The following MCM9 variants were observed in gnomAD, a reference collection of about 807,000 sequenced individuals.
MCM9 encodes the protein minichromosome maintenance 9 homologous recombination repair factor, also known as DNA helicase MCM9.
MCM9 carries 55 observed loss-of-function variants against 72.8 expected under a neutral mutation model. The observed-to-expected ratio is 0.76, with a 90% CI of 0.61 to 0.95. The LOEUF is 0.95. Among genes scored for constraint, MCM9 ranks in the 40% least tolerant of loss-of-function variants. The probability of loss-of-function intolerance (pLI) is 0.00; values close to 1 mark genes in which losing one functional copy is unlikely to be tolerated. For missense variants in MCM9, 1,279 were observed against 1,377.0 expected, an observed-to-expected ratio of 0.93 and a Z score of 1.13; for synonymous variants, 480 against 503.4, an observed-to-expected ratio of 0.95 and a Z score of 0.62.
chr6:118,924,248 G>A lies in MCM9; in HGVS notation c.305-121C>T, dbSNP rs541687278. 152 of 887,736 alleles carry A rather than the reference G, an allele frequency of 1.7e-4. 3 individuals are homozygous for A. In the South Asian group the frequency reaches 2.5e-3, roughly 15 times the overall value. The allele number at this position is 887,736 out of a possible 1,614,324, so 55.0% of individuals were successfully genotyped here. ...ATTTCAGGGGGAAAAAAAAGATTGT[G>A]TTTTACTAAGAAAAAATCAGATCAT... On this transcript the variant is annotated intron_variant, in intron 3 of 13. Coordinates refer to ENST00000619706, the MANE Select transcript of MCM9 (RefSeq NM_017696.3).
At chr6:118,915,693 A>C (rs1195553260) in intron 6 of MCM9, among the ~76,000 whole-genome samples, 1 of 152,154 alleles carries the variant, frequency 6.6e-6, no homozygotes, top group Non-Finnish European at 1.5e-5. Flanking sequence ...CACACTCACC[A>C]ACACTCTGAA....
intron 8 of MCM9, among the ~76,000 whole-genome samples, chr6:118,857,200 G>A (rs1776616791): frequency 6.6e-6 from 1 of 152,162 alleles, no homozygotes; most frequent in Admixed American, 6.5e-5. Flanking sequence ...TGTACTATAC[G>A]CTGTTTACAG....
intron 13 of MCM9, among the ~76,000 whole-genome samples, chr6:118,820,515 A>T (rs943214912): frequency 6.6e-6 from 1 of 152,128 alleles, no homozygotes; most frequent in Non-Finnish European, 1.5e-5. Flanking sequence ...AATCTTTTGC[A>T]TTTCCTGAGG....
chr6:118,899,065 T>C (rs1779626145), intron 8 of MCM9, among the ~76,000 whole-genome samples: 1 of 152,228 alleles, frequency 6.6e-6, no homozygotes, highest in Non-Finnish European at 1.5e-5. Context: ...GCTGCTTTCA[T>C]CTTCAGGATT....
At chr6:118,820,513 G>A (rs1306561324) in intron 13 of MCM9, among the ~76,000 whole-genome samples, 1 of 152,068 alleles carries the variant, frequency 6.6e-6, no homozygotes. Flanking sequence ...CCAATCTTTT[G>A]CATTTCCTGA....
chr6:118,933,155 C>T (rs1046788195), intron 1 of MCM9, among the ~76,000 whole-genome samples: 5 of 152,040 alleles, frequency 3.3e-5, no homozygotes, highest in African/African-American at 9.7e-5. Context: ...AATGAGGTGA[C>T]GATCTCAGAA....
intron 3 of MCM9, among the ~76,000 whole-genome samples, chr6:118,930,349 C>CAT (rs1782310060): frequency 6.6e-6 from 1 of 152,048 alleles, no homozygotes; most frequent in Non-Finnish European, 1.5e-5. Context: ...CCTGACCTTG[C>CAT]GATCTGCCCG....
intron 13 of MCM9, among the ~76,000 whole-genome samples, chr6:118,824,035 CTTTTTTTTTTTTTTTTTTTTTTTTTTT>C (rs137881254): frequency 1.8e-5 from 1 of 54,294 alleles, no homozygotes; most frequent in Non-Finnish European, 3.3e-5. Context: ...GCAAACCCAC[CTTTTTTTTTTTTTTTTTTTTTTTTTTT>C]TTTTTTTTAG....
chr6:118,899,970 A>T (rs1006502950), intron 8 of MCM9, among the ~76,000 whole-genome samples: 3 of 152,186 alleles, frequency 2.0e-5, no homozygotes, highest in Non-Finnish European at 4.4e-5. Context: ...AAAGAGTTCT[A>T]CTCATCTCTG....
In MCM9 at chr6:118,814,945, A is replaced by G. The variant is rs1348403512; in HGVS notation, c.3311T>C (p.Phe1104Ser). The G allele has an allele frequency of 6.5e-7, 1 of 1,550,322 alleles. No individual in the cohort carries two copies. The highest frequency in any genetic ancestry group is 1.4e-5 in the African/African-American group (1 of 72,994). Residue 1104 changes from phenylalanine (F) to serine (S), a missense_variant, in exon 14 of 14, where the codon TTT becomes TCT. Coordinates refer to ENST00000619706, the MANE Select transcript of MCM9 (RefSeq NM_017696.3). Reference protein sequence around the residue: ...APMRVSKRKSFQLRGSTEKLI... With the variant: ...APMRVSKRKSSQLRGSTEKLI... Reference sequence around the variant, plus strand: ...TTTCTCGGTGGACCCACGGAGCTGAAAAGATTTCCTTTTACTGACACGCAT... The same window carrying G: ...TTTCTCGGTGGACCCACGGAGCTGAGAAGATTTCCTTTTACTGACACGCAT...
At position 118,815,836 on chromosome 6, in the gene MCM9, C is replaced by A. The variant is rs1464164945; in HGVS notation, c.2420G>T (p.Gly807Val). Reference sequence around the variant, plus strand: ...CACATTGTCTGCCCTCCATGGAACACCTGTCTCTCCTGGTGATGGAAGCAA... The same window carrying A: ...CACATTGTCTGCCCTCCATGGAACAACTGTCTCTCCTGGTGATGGAAGCAA... ...IGLLPSPGET[G>V]VPWRADNVES... Residue 807 changes from glycine to valine, a missense_variant, in exon 14 of 14, where the codon GGT (glycine) becomes GTT (valine). By Grantham distance (109) the Gly-to-Val change is moderately radical. Coordinates refer to ENST00000619706, the MANE Select transcript of MCM9 (RefSeq NM_017696.3). 1 of 1,539,668 alleles carries A rather than the reference C, an allele frequency of 6.5e-7. No homozygotes were observed. The highest frequency in any genetic ancestry group is 1.2e-5 in the South Asian group (1 of 84,058).
intron 8 of MCM9, among the ~76,000 whole-genome samples, chr6:118,866,399 C>A (rs1777220497): frequency 6.6e-6 from 1 of 152,002 alleles, no homozygotes; most frequent in African/African-American, 2.4e-5. Flanking sequence ...ATGTGATGTA[C>A]CTGAGAGAAA....
rs545040157 is a variant in MCM9 at position 118,897,456 on chromosome 6, A to C, written c.1150+14194T>G. Reference sequence around the variant, plus strand: ...CATTCTTAAATTTATATATATATATATCTTAATTACAGCTACTGTCAATTG... The same window carrying C: ...CATTCTTAAATTTATATATATATATCTCTTAATTACAGCTACTGTCAATTG... On this transcript the variant is annotated intron_variant, in intron 8 of 13. Coordinates refer to ENST00000619706, the MANE Select transcript of MCM9 (RefSeq NM_017696.3). 1.7e-4 allele frequency among the ~76,000 whole-genome samples: 26 copies of C among 151,666 alleles called. No homozygotes were observed. The Middle Eastern group carries it at 0.02, about 119-fold the overall frequency.
rs1434047084 is a variant in MCM9 at position 118,814,033 on chromosome 6, T to C, written c.*791A>G. On this transcript the variant is annotated 3_prime_UTR_variant, in exon 14 of 14. Coordinates refer to ENST00000619706, the MANE Select transcript of MCM9 (RefSeq NM_017696.3). ...CTCAGCCTCCCCGAGTAGCTAGGAC[T>C]ACAGGAGTGAGTCACTGTGCCTGGC... The C allele has an allele frequency of 2.0e-5, 3 of 152,264 alleles. No individual in the cohort carries two copies. The highest frequency in any genetic ancestry group is 4.4e-5 in the Non-Finnish European group (3 of 68,096). The allele number at this position is 152,264 out of a possible 1,614,324, so 9.4% of individuals were successfully genotyped here. A position where few individuals can be genotyped will look rare whatever the true frequency, so the allele number is the denominator to read the frequency against.
intron 8 of MCM9, among the ~76,000 whole-genome samples, chr6:118,889,095 G>A (rs546275849): frequency 6.6e-6 from 1 of 152,224 alleles, no homozygotes; most frequent in Admixed American, 6.5e-5. Context: ...TCTCAACAAA[G>A]CTGTTACCTG....
At chr6:118,825,930 G>A (rs1774139790) in intron 13 of MCM9, among the ~76,000 whole-genome samples, 1 of 152,132 alleles carries the variant, frequency 6.6e-6, no homozygotes, top group Non-Finnish European at 1.5e-5. Flanking sequence ...AAATGCTGGT[G>A]GGGGTGGTGT....
intron 5 of MCM9, 141 bp from the exon 6 acceptor site, chr6:118,917,902 C>T (rs2114319267): frequency 1.5e-6 from 1 of 680,236 alleles, no homozygotes; most frequent in Non-Finnish European, 2.5e-6. Context: ...GAAAACAATT[C>T]AGGGGCAGAA....
intron 8 of MCM9, among the ~76,000 whole-genome samples, chr6:118,865,187 A>G (rs1777142348): frequency 6.6e-6 from 1 of 152,070 alleles, no homozygotes; most frequent in African/African-American, 2.4e-5. Context: ...GGAACAAAGT[A>G]TATGTGAGTC....
chr6:118,911,146 A>T, intron 8 of MCM9: 1 of 985,466 alleles, frequency 1.0e-6, no homozygotes, highest in South Asian at 4.7e-5. Flanking sequence ...CTAAAGAATC[A>T]TTACAACTTA....
Sources: allele counts gnomAD v4.1 joint callset (sites outside exome capture counted in the v4.1 genomes callset), GRCh38; gene constraint gnomAD v4.1.1; transcripts MANE v1.5; gene names NCBI Gene and HGNC (gene_info 2026-07-23, HGNC 2026-07-21).